PAPSS1: variants seen among roughly 807,000 people sequenced by gnomAD.
PAPSS1 encodes the protein bifunctional 3'-phosphoadenosine 5'-phosphosulfate synthase 1.
A neutral mutation model predicts 72.0 loss-of-function variants in PAPSS1; 50 were observed. The ratio of observed to expected loss-of-function variants is 0.69; its 90% CI spans 0.55 to 0.88. The LOEUF is 0.88. PAPSS1 is among the 40% of genes least tolerant of loss of function. The probability of loss-of-function intolerance (pLI) is 0.00; values close to 1 mark genes in which losing one functional copy is unlikely to be tolerated. For synonymous variants in PAPSS1, 261 were observed against 263.6 expected (o/e 0.99, Z 0.09); for missense variants, 657 against 782.2 (o/e 0.84, Z 1.91).
intron 5 of PAPSS1, among the ~76,000 whole-genome samples, chr4:107,662,965 C>T (rs1023235500): frequency 1.3e-5 from 2 of 152,138 alleles, no homozygotes; most frequent in Non-Finnish European, 2.9e-5. Context: ...GTTCAATTAG[C>T]TTCTTCGATA....
chr4:107,691,370 T>C (rs1472082614), intron 3 of PAPSS1, among the ~76,000 whole-genome samples: 1 of 152,188 alleles, frequency 6.6e-6, no homozygotes, highest in Admixed American at 6.6e-5. Context: ...GGAGGTTAAG[T>C]GTGCTGGACA....
chr4:107,692,913 A>G (rs541992470), intron 3 of PAPSS1, among the ~76,000 whole-genome samples: 7 of 152,148 alleles, frequency 4.6e-5, no homozygotes, highest in Admixed American at 1.3e-4. Flanking sequence ...ATCAAACACT[A>G]TATGTTCTCA....
rs754152165 is a variant in PAPSS1 at position 107,687,190 on chromosome 4, T to A, written c.412-13A>T. The A allele has an allele frequency of 5.9e-6, 9 of 1,533,724 alleles. No homozygotes were observed. In the East Asian group the frequency reaches 7.2e-5, roughly 12 times the overall value. ...CATTGTTGCGATCCTTAAAAAAAAA[T>A]AAAATAAAAAGTGATCACACAAATC... On this transcript the variant is annotated splice_polypyrimidine_tract_variant and intron_variant, in intron 3 of 11. Transcript: ENST00000265174.
chr4:107,692,491 G>C (rs1722953849), intron 3 of PAPSS1, among the ~76,000 whole-genome samples: 1 of 152,142 alleles, frequency 6.6e-6, no homozygotes, highest in Admixed American at 6.5e-5. Flanking sequence ...AACAATAGAT[G>C]CTGGTGAGCT....
intron 11 of PAPSS1, among the ~76,000 whole-genome samples, chr4:107,621,177 G>A (rs1031504491): frequency 1.3e-5 from 2 of 152,152 alleles, no homozygotes; most frequent in Non-Finnish European, 2.9e-5. Flanking sequence ...CCAGAGTAGG[G>A]GGGAGCCTTC....
At chr4:107,699,067 T>C (rs1003386915) in intron 2 of PAPSS1, among the ~76,000 whole-genome samples, 4 of 151,886 alleles carry the variant, frequency 2.6e-5, no homozygotes, top group Admixed American at 2.6e-4. Flanking sequence ...TACCAAAAAA[T>C]CAGATAAGCT....
In PAPSS1 at chr4:107,665,468, C is replaced by T. The variant is rs1308637112; in HGVS notation, c.670-5396G>A. 5.9e-5 allele frequency among the ~76,000 whole-genome samples: 9 copies of T among 152,152 alleles called. 1 individual carries two copies. The highest frequency in any genetic ancestry group is 5.9e-4 in the Admixed American group (9 of 15,264). ...TCTTCTTCAATTTGTACATATAAAA[C>T]CCTTTGCTTCATGAAATGTCCTTTA... On this transcript the variant is annotated intron_variant, in intron 5 of 11. Transcript: ENST00000265174.
chr4:107,713,760 CAA>C (rs111667474), intron 1 of PAPSS1, among the ~76,000 whole-genome samples: 1 of 41,462 alleles, frequency 2.4e-5, no homozygotes, highest in African/African-American at 5.2e-5. Context: ...CTGTCTCAAA[CAA>C]AAAAAAAAAA....
At chr4:107,625,137 T>A (rs2110298280) in intron 11 of PAPSS1, among the ~76,000 whole-genome samples, 1 of 152,270 alleles carries the variant, frequency 6.6e-6, no homozygotes, top group Middle Eastern at 3.4e-3. Context: ...GAAATAAATT[T>A]AGAAAGAAAT....
chr4:107,630,786 C>A (rs551836623), intron 11 of PAPSS1, among the ~76,000 whole-genome samples: 3 of 152,266 alleles, frequency 2.0e-5, no homozygotes, highest in Admixed American at 6.5e-5. Flanking sequence ...TGACCTTATA[C>A]AAGCTACTTA....
In PAPSS1 at chr4:107,682,154, T is replaced by G. The variant is rs557717507; in HGVS notation, c.551-21A>C. ...GAAACCTGCAAAAGGTAACAGATAA[T>G]AGAGTAGGGTGGAAAATAAAATTAA... is the stretch of plus-strand genomic sequence containing the variant. On this transcript the variant is annotated intron_variant, in intron 4 of 11. Coordinates refer to ENST00000265174, the MANE Select transcript of PAPSS1 (RefSeq NM_005443.5). The G allele has an allele frequency of 1.1e-5, 12 of 1,140,332 alleles. No individual in the cohort carries two copies. In the African/African-American group the frequency reaches 1.7e-4, roughly 16 times the overall value. 70.6% of individuals were successfully genotyped at this position (1,140,332 alleles called of 1,614,324 possible).
Position 107,621,608 on chromosome 4 carries a change from C to CTTTTTT in PAPSS1, c.1737-7227_1737-7222dup, listed in dbSNP as rs10670438. Reference sequence around the variant, plus strand: ...CTTTCTAGGAAGACAGGTTTTTTATCTTTTTTTTTTTTTTTTTTTTTTTTT... The same window carrying CTTTTTT: ...CTTTCTAGGAAGACAGGTTTTTTATCTTTTTTTTTTTTTTTTTTTTTTTTTTTTTTT... On this transcript the variant is annotated intron_variant, in intron 11 of 11. Transcript: ENST00000265174. Among the ~76,000 whole-genome samples, 97 of 48,150 alleles carry CTTTTTT rather than the reference C, an allele frequency of 2.0e-3. 9 individuals are homozygous for CTTTTTT. The highest frequency in any genetic ancestry group is 0.024 in the Middle Eastern group (1 of 42). 31.6% of individuals were successfully genotyped at this position (48,150 alleles called of 152,430 possible).
chr4:107,674,508 T>C (rs1206940458), intron 5 of PAPSS1, among the ~76,000 whole-genome samples: 3 of 152,154 alleles, frequency 2.0e-5, no homozygotes, highest in Non-Finnish European at 4.4e-5. Context: ...ATTCAACCAA[T>C]ACAGGAGCAC....
At position 107,631,753 on chromosome 4, in the gene PAPSS1, C is replaced by G; in HGVS notation, c.1614G>C (p.Glu538Asp). 1 of 1,614,102 alleles carries G rather than the reference C, an allele frequency of 6.2e-7. No individual in the cohort carries two copies. The highest frequency in any genetic ancestry group is 8.5e-7 in the Non-Finnish European group (1 of 1,179,992). The part of the protein sequence containing the change: ...PHPETGKDLY[E>D]PSHGAKVLTM... ...TCAGCACTTTGGCACCATGACTTGG[C>G]TCATAAAGATCCTTCCCTGTTTCTG... The change falls in exon 11 of 12, where the codon GAG becomes GAC. Residue 538 changes from glutamate (E) to aspartate (D), a missense_variant. By Grantham distance (45) the Glu-to-Asp change is conservative. Around this residue, in one of 7 missense-constraint regions of PAPSS1, gnomAD observed 166 missense variants for 228.3 expected, o/e 0.73. Transcript: ENST00000265174.
At chr4:107,649,066 G>A (rs915365672) in intron 9 of PAPSS1, among the ~76,000 whole-genome samples, 2 of 152,160 alleles carry the variant, frequency 1.3e-5, no homozygotes. Flanking sequence ...AAAGCTTTGT[G>A]CCAACTGGGT....
chr4:107,713,760 C>G (rs1045423200), intron 1 of PAPSS1, among the ~76,000 whole-genome samples: 2 of 41,462 alleles, frequency 4.8e-5, no homozygotes, highest in Non-Finnish European at 1.5e-4. Flanking sequence ...CTGTCTCAAA[C>G]AAAAAAAAAA....
At chr4:107,620,414 TAAC>T (rs1015587051) in intron 11 of PAPSS1, among the ~76,000 whole-genome samples, 1 of 152,220 alleles carries the variant, frequency 6.6e-6, no homozygotes, top group Non-Finnish European at 1.5e-5. Context: ...ATGACAAACT[TAAC>T]AATTTTTATT....
At chr4:107,663,141 C>T (rs946785445) in intron 5 of PAPSS1, among the ~76,000 whole-genome samples, 1 of 152,034 alleles carries the variant, frequency 6.6e-6, no homozygotes, top group South Asian at 2.1e-4. Flanking sequence ...TACACTTTCA[C>T]GAGACACTTA....
intron 5 of PAPSS1, among the ~76,000 whole-genome samples, chr4:107,669,681 A>G (rs1188329646): frequency 6.6e-6 from 1 of 152,220 alleles, no homozygotes; most frequent in Non-Finnish European, 1.5e-5. Context: ...TCAGAAAAGC[A>G]TGTAACAAAT....
Sources: allele counts gnomAD v4.1 joint callset (sites outside exome capture counted in the v4.1 genomes callset), GRCh38; gene constraint gnomAD v4.1.1; regional missense constraint gnomAD v4.1.1; transcripts MANE v1.5; gene names NCBI Gene and HGNC (gene_info 2026-07-23, HGNC 2026-07-21).